The following NEB variants were observed in gnomAD, a reference collection of about 807,000 sequenced individuals.
NEB encodes the protein nebulin.
NEB carries 512 observed loss-of-function variants against 952.2 expected under a neutral mutation model. That is an observed-to-expected ratio of 0.54 (90% CI 0.50 to 0.58). The LOEUF is 0.58. Among genes scored for constraint, NEB ranks in the 20% least tolerant of loss-of-function variants. The probability of loss-of-function intolerance (pLI) is 0.00; values close to 1 mark genes in which losing one functional copy is unlikely to be tolerated. For missense variants in NEB, 8,428 were observed against 9,231.1 expected (o/e 0.91, Z 3.56); for synonymous variants, 2,900 against 3,149.8 (o/e 0.92, Z 2.66).
In NEB at chr2:151,659,351, C is replaced by T. The variant is rs536247366; in HGVS notation, c.5971-182G>A. Among the ~76,000 whole-genome samples, 3 of 152,100 alleles carry T rather than the reference C, an allele frequency of 2.0e-5. No individual in the cohort carries two copies. In the South Asian group the frequency reaches 6.2e-4, roughly 32 times the overall value. ...TTGCGCTGTCACCCAGGCTGGAGTG[C>T]AGTAGTGCAATTATGGCTCACTGCA... On this transcript the variant is annotated intron_variant, in intron 46 of 181. Coordinates refer to ENST00000397345, the MANE Select transcript of NEB (RefSeq NM_001164508.2).
intron 92 of NEB, among the ~76,000 whole-genome samples, chr2:151,595,145 G>C (rs2097390330): frequency 7.2e-6 from 1 of 138,336 alleles, no homozygotes; most frequent in Non-Finnish European, 1.5e-5. Context: ...GGAAACAACT[G>C]GCTACATGAT....
At chr2:151,666,519 T>G (rs902049476) in intron 40 of NEB, 118 bp from the exon 41 acceptor site, 2 of 918,010 alleles carry the variant, frequency 2.2e-6, no homozygotes, top group Non-Finnish European at 3.2e-6. Context: ...AACATCGAAG[T>G]TTTTTTTTGT....
At chr2:151,575,600 A>C in intron 107 of NEB, 95 bp downstream of exon 107, 1 of 887,586 alleles carries the variant, frequency 1.1e-6, no homozygotes, top group Non-Finnish European at 1.8e-6. Flanking sequence ...GCGGGAAGTC[A>C]GGGACCGAGT....
intron 10 of NEB, among the ~76,000 whole-genome samples, chr2:151,715,831 A>T (rs1022431484): frequency 6.6e-6 from 1 of 152,238 alleles, no homozygotes; most frequent in Non-Finnish European, 1.5e-5. Flanking sequence ...GCTAGTGTCT[A>T]CTGTACTGGA....
chr2:151,493,806 CTT>C lies in NEB; in HGVS notation c.24639_24640del (p.Arg8214SerfsTer9), dbSNP rs1357811155. The C allele has an allele frequency of 2.5e-6, 4 of 1,585,918 alleles. No homozygotes were observed. The African/African-American group carries it at 5.4e-5, about 21-fold the overall frequency. ...AAAGTTTTCTTGATTGCGTTTCACT[CTT>C]TCCATCTCAGGAGTAAAGGGTGTGG... On this transcript the variant is annotated frameshift_variant, in exon 175 of 182. Coordinates refer to ENST00000397345, the MANE Select transcript of NEB (RefSeq NM_001164508.2). LOFTEE classifies it high-confidence loss of function.
intron 55 of NEB, among the ~76,000 whole-genome samples, chr2:151,644,872 A>G (rs1250447534): frequency 1.3e-5 from 2 of 152,224 alleles, no homozygotes; most frequent in Admixed American, 6.5e-5. Context: ...CCTTGTGGGA[A>G]CATCACAGAG....
Position 151,492,156 on chromosome 2 carries a change from C to G in NEB, c.24999G>C (p.Gln8333His), listed in dbSNP as rs774663967. The G allele has an allele frequency of 5.6e-6, 9 of 1,613,800 alleles. No individual in the cohort carries two copies. The highest frequency in any genetic ancestry group is 7.6e-6 in the Non-Finnish European group (9 of 1,179,884). The change falls in exon 178 of 182, where the codon CAG (glutamine) becomes CAC (histidine). Residue 8333 changes from glutamine to histidine, a missense_variant. Coordinates refer to ENST00000397345, the MANE Select transcript of NEB (RefSeq NM_001164508.2). ...TTTGTTCCATTTCTACCACTTTCCT[C>G]TGAATACCTCGGTAGTTAATGTCAC... ...DFSDINYRGIQRKVVEMEQKR... is the reference protein window; with the variant it reads ...DFSDINYRGIHRKVVEMEQKR...
In NEB at chr2:151,616,240, G is replaced by C. The variant is rs1320736354; in HGVS notation, c.11182-131C>G. 6.2e-6 allele frequency: 4 copies of C among 645,224 alleles called. No individual in the cohort carries two copies. In the East Asian group the frequency reaches 1.2e-4, roughly 19 times the overall value. The allele number at this position is 645,224 out of a possible 1,614,324, so 40.0% of individuals were successfully genotyped here. A position where few individuals can be genotyped will look rare whatever the true frequency, so the allele number is the denominator to read the frequency against. On this transcript the variant is annotated intron_variant, in intron 75 of 181. Coordinates refer to ENST00000397345, the MANE Select transcript of NEB (RefSeq NM_001164508.2). Reference sequence around the variant, plus strand: ...AGTCAATCATTAGGGTGGGTTTATAGATAGCTTTGCCTCATGGGTGCTTAG... The same window carrying C: ...AGTCAATCATTAGGGTGGGTTTATACATAGCTTTGCCTCATGGGTGCTTAG...
At chr2:151,545,351 G>A (rs1230206797) in intron 135 of NEB, among the ~76,000 whole-genome samples, 17 of 152,050 alleles carry the variant, frequency 1.1e-4, no homozygotes, top group Non-Finnish European at 2.2e-4. Context: ...TGAGGCGGGC[G>A]GATCACCTGA....
At chr2:151,531,232 T>G (rs973815892) in intron 144 of NEB, 131 bp from the exon 145 acceptor site, 2 of 661,892 alleles carry the variant, frequency 3.0e-6, no homozygotes. Context: ...GGTGCTTTCA[T>G]GCTCTCTGCT....
rs1350656506 is a variant in NEB at position 151,605,824 on chromosome 2, G to T, written c.12747+782C>A. Among the ~76,000 whole-genome samples the T allele has an allele frequency of 3.1e-5, 3 of 95,584 alleles. 1 individual carries two copies. Among genetic ancestry groups the T allele is most frequent in the African/African-American group, 5.8e-5 (2 of 34,318 alleles). 62.7% of individuals were successfully genotyped at this position (95,584 alleles called of 152,430 possible). On this transcript the variant is annotated intron_variant, in intron 84 of 181. Transcript: ENST00000397345. ...TTTTTATTTTTATTTTTTTTGAAAC[G>T]CAGTTTCAGTCTTGTTGCCCAGGCT... is the stretch of plus-strand genomic sequence containing the variant.
intron 57 of NEB, among the ~76,000 whole-genome samples, 153 bp downstream of exon 57, chr2:151,643,665 G>A (rs1440040113): frequency 6.6e-6 from 1 of 152,146 alleles, no homozygotes; most frequent in Non-Finnish European, 1.5e-5. Context: ...TTTCTTTGTG[G>A]AATAATGGTG....
Position 151,674,600 on chromosome 2 carries a change from A to C in NEB, c.3880-16T>G. On this transcript the variant is annotated splice_polypyrimidine_tract_variant and intron_variant, in intron 35 of 181. Transcript: ENST00000397345. ...TATAACAGACCTGGACAGAAAAGCAAACAGAATGTCAGCATCTGTAAGTGA... is the reference window on the plus strand; with the variant it reads ...TATAACAGACCTGGACAGAAAAGCACACAGAATGTCAGCATCTGTAAGTGA... 6.4e-7 allele frequency: 1 copy of C among 1,558,802 alleles called. No individual in the cohort carries two copies. Among genetic ancestry groups the C allele is most frequent in the East Asian group, 2.2e-5 (1 of 44,618 alleles).
At chr2:151,502,326 T>C (rs560550775) in intron 167 of NEB, among the ~76,000 whole-genome samples, 1 of 151,778 alleles carries the variant, frequency 6.6e-6, no homozygotes, top group African/African-American at 2.4e-5. Flanking sequence ...CTAAAGAACT[T>C]AGTAACCAAA....
rs552439882 is a variant in NEB, at chr2:151,490,090, G to C, written c.25298-13C>G. On this transcript the variant is annotated splice_polypyrimidine_tract_variant and intron_variant, in intron 180 of 181. Transcript: ENST00000397345. The stretch of plus-strand genomic sequence containing the variant: ...GCATGTTTGTAAGCTGAAAAAAAGG[G>C]GGCAAATTCTTTATAAGAAGAAAAA... 2 of 1,579,888 alleles carry C rather than the reference G, an allele frequency of 1.3e-6. No individual in the cohort carries two copies. Among genetic ancestry groups the C allele is most frequent in the African/African-American group, 2.7e-5 (2 of 73,712 alleles).
rs1450769333 is a variant in NEB, at chr2:151,727,807, GCTGTGC to G, written c.172_177del (p.Ala58_Gln59del). ...CTCTCCACCGGCTTTGCTGATGCTGGCTGTGCCAGTGCTGGCTGTGCCAGAGCTGGT... is the reference window on the plus strand; with the variant it reads ...CTCTCCACCGGCTTTGCTGATGCTGGCAGTGCTGGCTGTGCCAGAGCTGGT... On this transcript the variant is annotated inframe_deletion, in exon 5 of 182. Transcript: ENST00000397345. The G allele has an allele frequency of 6.3e-7, 1 of 1,599,034 alleles. No homozygotes were observed. The highest frequency in any genetic ancestry group is 2.2e-5 in the East Asian group (1 of 44,890).
rs530601099 is a variant in NEB at position 151,503,119 on chromosome 2, G to T, written c.23835+230C>A. On this transcript the variant is annotated intron_variant, in intron 166 of 181. Transcript: ENST00000397345. ...AAGTTATATAACGCTGAGGAATCTT[G>T]TTAATTCTACTTATAGTATTTCAAA... 34 of 586,586 alleles carry T rather than the reference G, an allele frequency of 5.8e-5. No homozygotes were observed. The African/African-American group carries it at 6.0e-4, about 10-fold the overall frequency. The allele number at this position is 586,586 out of a possible 1,614,324, so 36.3% of individuals were successfully genotyped here. A position where few individuals can be genotyped will look rare whatever the true frequency, so the allele number is the denominator to read the frequency against.
intron 109 of NEB, 37 bp from the exon 110 acceptor site, chr2:151,569,409 G>T (rs760128591): frequency 1.4e-6 from 2 of 1,476,860 alleles, no homozygotes; most frequent in South Asian, 2.3e-5. Context: ...CAGCAACCCT[G>T]GTCATGTGGT....
At chr2:151,643,032 A>C in intron 58 of NEB, 118 bp downstream of exon 58, 1 of 1,242,448 alleles carries the variant, frequency 8.0e-7, no homozygotes, top group East Asian at 2.3e-5. Flanking sequence ...CAATACTTTA[A>C]AACCACATTA....
Sources: gnomAD v4.1 joint callset for allele counts (sites outside exome capture counted in the v4.1 genomes callset) on GRCh38, gnomAD v4.1.1 for gene constraint, MANE v1.5 for transcripts, NCBI Gene and HGNC (gene_info 2026-07-23, HGNC 2026-07-21) for gene names.